KIAA0319L: variants seen among roughly 807,000 people sequenced by gnomAD.
KIAA0319L encodes the protein KIAA0319 like.
Under a neutral mutation model 120.1 loss-of-function variants are expected in KIAA0319L, and 55 were observed. The observed-to-expected ratio is 0.46, with a 90% CI of 0.37 to 0.57. The LOEUF is 0.57. Ranked by LOEUF, KIAA0319L falls within the 20% of genes least tolerant of loss-of-function variation. The pLI is 0.00. For synonymous variants in KIAA0319L, 398 were observed against 471.9 expected (o/e 0.84, Z 2.03); for missense variants, 1,049 against 1,255.3 (o/e 0.84, Z 2.48).
At chr1:35,513,046 T>C (rs987061220) in intron 2 of KIAA0319L, among the ~76,000 whole-genome samples, 1 of 151,158 alleles carries the variant, frequency 6.6e-6, no homozygotes, top group Non-Finnish European at 1.5e-5. Flanking sequence ...TGCTCTACCA[T>C]GGCAGAGTTA....
chr1:35,525,783 C>T (rs1160657482), intron 2 of KIAA0319L, among the ~76,000 whole-genome samples: 5 of 152,126 alleles, frequency 3.3e-5, no homozygotes, highest in Non-Finnish European at 5.9e-5. Context: ...TCCCATTCAA[C>T]GGGTTCTCTC....
At chr1:35,474,953 G>T in intron 4 of KIAA0319L, 47 bp from the exon 5 acceptor site, 1 of 1,048,194 alleles carries the variant, frequency 9.5e-7, no homozygotes, top group Non-Finnish European at 1.4e-6. Context: ...GATCCAGACT[G>T]TCTTATTTCT....
At chr1:35,502,508 T>C (rs1645048134) in intron 3 of KIAA0319L, among the ~76,000 whole-genome samples, 3 of 151,146 alleles carry the variant, frequency 2.0e-5, no homozygotes. Context: ...GGGTAACTCA[T>C]TTAACACGTT....
chr1:35,474,547 A>G (rs1240865143), intron 5 of KIAA0319L, among the ~76,000 whole-genome samples: 2 of 152,236 alleles, frequency 1.3e-5, no homozygotes, highest in African/African-American at 4.8e-5. Flanking sequence ...TGTAGAACTT[A>G]GAAAGAAGTT....
chr1:35,530,329 G>A (rs1646316037), intron 2 of KIAA0319L, among the ~76,000 whole-genome samples: 1 of 151,908 alleles, frequency 6.6e-6, no homozygotes, highest in African/African-American at 2.4e-5. Flanking sequence ...CCCAGCCCGA[G>A]TTCTGAAATT....
chr1:35,481,122 T>C (rs1050020056), intron 3 of KIAA0319L, among the ~76,000 whole-genome samples: 4 of 152,250 alleles, frequency 2.6e-5, no homozygotes, highest in Non-Finnish European at 5.9e-5. Flanking sequence ...TGCATATCAG[T>C]AGTACATTCT....
chr1:35,472,687 C>T (rs1643696673), intron 5 of KIAA0319L, among the ~76,000 whole-genome samples: 1 of 152,014 alleles, frequency 6.6e-6, no homozygotes, highest in Non-Finnish European at 1.5e-5. Flanking sequence ...GGTCCTGCCT[C>T]ATCACCCCCA....
chr1:35,478,844 G>T, intron 4 of KIAA0319L, 122 bp downstream of exon 4: 1 of 1,196,968 alleles, frequency 8.4e-7, no homozygotes, highest in Non-Finnish European at 1.2e-6. Context: ...CAATGACAGA[G>T]TTATTTTTTC....
chr1:35,517,974 A>G lies in KIAA0319L; in HGVS notation c.143-10839T>C, dbSNP rs139178695. Among the ~76,000 whole-genome samples the G allele has an allele frequency of 4.7e-3, 713 of 152,328 alleles. 5 individuals carry two copies. The highest frequency in any genetic ancestry group is 7.6e-3 in the Non-Finnish European group (520 of 68,036). ...CAATAAGCATATTTTAAAAAGTTCA[A>G]TATCACTGATCATTAGAGAAATGCA... On this transcript the variant is annotated intron_variant, in intron 2 of 20. Transcript: ENST00000325722.
intron 3 of KIAA0319L, among the ~76,000 whole-genome samples, chr1:35,483,497 C>G (rs1644253271): frequency 6.6e-6 from 1 of 152,292 alleles, no homozygotes; most frequent in East Asian, 1.9e-4. Flanking sequence ...AAGATTATCC[C>G]TTCCCCACTG....
rs554601458 is a variant in KIAA0319L at position 35,433,990 on chromosome 1, C to A, written c.*904G>T. On this transcript the variant is annotated 3_prime_UTR_variant, in exon 21 of 21. Coordinates refer to ENST00000325722, the MANE Select transcript of KIAA0319L (RefSeq NM_024874.5). ...GGCCCTGGCAGCGAGAGAGGCCACCCGCCATCCCTGACACAGTCAATCCTC... is the reference window on the plus strand; with the variant it reads ...GGCCCTGGCAGCGAGAGAGGCCACCAGCCATCCCTGACACAGTCAATCCTC... 1.6e-4 allele frequency: 24 copies of A among 152,214 alleles called. No homozygotes were observed. The highest frequency in any genetic ancestry group is 5.8e-4 in the African/African-American group (24 of 41,486). The allele number at this position is 152,214 out of a possible 1,614,324, so 9.4% of individuals were successfully genotyped here. A position where few individuals can be genotyped will look rare whatever the true frequency, so the allele number is the denominator to read the frequency against.
intron 4 of KIAA0319L, among the ~76,000 whole-genome samples, chr1:35,477,933 C>T (rs899162599): frequency 6.6e-6 from 1 of 152,112 alleles, no homozygotes; most frequent in Non-Finnish European, 1.5e-5. Context: ...ATCAGTGTAT[C>T]GAAGAGGTAT....
chr1:35,435,058 G>T lies in KIAA0319L; in HGVS notation c.2986C>A (p.Leu996Ile), dbSNP rs1640673646. 1.2e-6 allele frequency: 2 copies of T among 1,614,092 alleles called. No individual in the cohort carries two copies. The highest frequency in any genetic ancestry group is 2.2e-5 in the South Asian group (2 of 91,080). Residue 996 changes from leucine to isoleucine, a missense_variant, in exon 21 of 21, where the codon CTA (leucine) becomes ATA (isoleucine). By Grantham distance (5) the Leu-to-Ile change is conservative. Coordinates refer to ENST00000325722, the MANE Select transcript of KIAA0319L (RefSeq NM_024874.5). ...RAGIKQKGLL[L>I]SSSLMHSESE... The stretch of plus-strand genomic sequence containing the variant: ...TCGGAGTGCATCAGGCTGCTACTTA[G>T]CAAAAGGCCTTTCTGTTTGATGCCT...
At chr1:35,451,211 T>C (rs994238776) in intron 13 of KIAA0319L, among the ~76,000 whole-genome samples, 2 of 152,216 alleles carry the variant, frequency 1.3e-5, no homozygotes, top group Non-Finnish European at 2.9e-5. Flanking sequence ...CATAGTCAGC[T>C]GTAGTGCGGC....
intron 9 of KIAA0319L, among the ~76,000 whole-genome samples, chr1:35,457,360 A>G (rs1642550906): frequency 2.0e-5 from 3 of 152,114 alleles, no homozygotes; most frequent in Admixed American, 2.0e-4. Flanking sequence ...TACACATCAC[A>G]ACGATGGACA....
chr1:35,489,098 G>A (rs1359902405), intron 3 of KIAA0319L, among the ~76,000 whole-genome samples: 1 of 152,144 alleles, frequency 6.6e-6, no homozygotes, highest in Non-Finnish European at 1.5e-5. Flanking sequence ...AAATATTTAG[G>A]AGAGCATCTG....
intron 5 of KIAA0319L, among the ~76,000 whole-genome samples, chr1:35,471,543 A>G (rs1643623847): frequency 6.6e-6 from 1 of 152,186 alleles, no homozygotes; most frequent in South Asian, 2.1e-4. Flanking sequence ...AATTAAAATC[A>G]AATGAAGCAT....
At position 35,455,769 on chromosome 1, in the gene KIAA0319L, CG is replaced by C. The variant is rs560068656; in HGVS notation, c.1656+243del. ...CTAATTTTTTTATCTTTAGTAGAGA[CG>C]GGGTTTCACAATGTTGGCCAGGCTG... On this transcript the variant is annotated intron_variant, in intron 10 of 20. Coordinates refer to ENST00000325722, the MANE Select transcript of KIAA0319L (RefSeq NM_024874.5). Among the ~76,000 whole-genome samples the C allele has an allele frequency of 5.9e-5, 9 of 151,706 alleles. No individual in the cohort carries two copies. In the East Asian group the frequency reaches 1.7e-3, roughly 29 times the overall value.
chr1:35,525,126 C>T (rs1284992740), intron 2 of KIAA0319L, among the ~76,000 whole-genome samples: 1 of 152,184 alleles, frequency 6.6e-6, no homozygotes, highest in Non-Finnish European at 1.5e-5. Flanking sequence ...TGGCTTATTT[C>T]ACTTAACATA....
Sources: allele counts gnomAD v4.1 joint callset (sites outside exome capture counted in the v4.1 genomes callset), GRCh38; gene constraint gnomAD v4.1.1; transcripts MANE v1.5; gene names NCBI Gene and HGNC (gene_info 2026-07-23, HGNC 2026-07-21).